Variants in SFRP1 observed in about 807,000 individuals in gnomAD.
SFRP1 encodes secreted frizzled related protein 1.
Under a neutral mutation model 25.9 loss-of-function variants are expected in SFRP1, and 9 were observed. The ratio of observed to expected loss-of-function variants is 0.35; its 90% CI spans 0.21 to 0.61. The LOEUF (loss-of-function observed/expected upper bound fraction) is 0.61. SFRP1 is among the 20% of genes least tolerant of loss of function. The pLI is 0.78. For missense variants in SFRP1, 346 were observed against 418.2 expected (o/e 0.83, Z 1.51); for synonymous variants, 178 against 174.0 (o/e 1.02, Z -0.18).
chr8:41,288,773 A>G (rs918174415), intron 2 of SFRP1, among the ~76,000 whole-genome samples: 4 of 152,176 alleles, frequency 2.6e-5, no homozygotes, highest in Non-Finnish European at 5.9e-5. Flanking sequence ...AACTGCTTCC[A>G]AACTGCTTCC....
intron 2 of SFRP1, among the ~76,000 whole-genome samples, chr8:41,291,865 G>C (rs981903407): frequency 6.6e-6 from 1 of 152,182 alleles, no homozygotes; most frequent in African/African-American, 2.4e-5. Context: ...CTGGAGCACG[G>C]ACAGAGGCAC....
intron 2 of SFRP1, among the ~76,000 whole-genome samples, chr8:41,287,916 G>A (rs546688429): frequency 2.6e-5 from 4 of 152,182 alleles, no homozygotes; most frequent in South Asian, 2.1e-4. Context: ...GGGACTGGCC[G>A]CCACAGGGTG....
intron 2 of SFRP1, among the ~76,000 whole-genome samples, chr8:41,302,259 T>G (rs2117518204): frequency 6.6e-6 from 1 of 152,152 alleles, no homozygotes; most frequent in East Asian, 1.9e-4. Context: ...CCAGTTTAGC[T>G]CTGGTGGCCA....
chr8:41,309,444 G>A lies in SFRP1; in HGVS notation c.-285C>T, dbSNP rs905881738. On this transcript the variant is annotated 5_prime_UTR_variant, in exon 1 of 3. Coordinates refer to ENST00000220772, the MANE Select transcript of SFRP1 (RefSeq NM_003012.5). ...CGCGGGGCGGCGGGCGCGCGGCACT[G>A]ACTCCGGAGGCTGCAGGGCTGGAGT... The A allele has an allele frequency of 1.3e-5, 2 of 156,528 alleles. No individual in the cohort carries two copies. Among genetic ancestry groups the A allele is most frequent in the Non-Finnish European group, 2.8e-5 (2 of 71,394 alleles). 9.7% of individuals were successfully genotyped at this position (156,528 alleles called of 1,614,324 possible).
intron 2 of SFRP1, chr8:41,275,200 G>A (rs1299217744): frequency 2.2e-6 from 1 of 452,132 alleles, no homozygotes. Context: ...CCTGCTCCCT[G>A]CTTCCCTACC....
In SFRP1 at chr8:41,308,635, G is replaced by C; in HGVS notation, c.525C>G (p.Thr175=). 6.2e-7 allele frequency: 1 copy of C among 1,603,448 alleles called. No homozygotes were observed. The highest frequency in any genetic ancestry group is 1.1e-5 in the South Asian group (1 of 90,028). Residue 175 remains threonine (T), a synonymous_variant, in exon 1 of 3, where the codon ACC becomes ACG. Transcript: ENST00000220772. Reference sequence around the variant, plus strand: ...CCTTACCTTGGGGCTTGGAGGCTTCGGTGGCATTGGGCGGCGTCATGGCGA... The same window carrying C: ...CCTTACCTTGGGGCTTGGAGGCTTCCGTGGCATTGGGCGGCGTCATGGCGA... The part of the protein sequence containing the change: ...VCIAMTPPNA[T]EASKPQGTTV...
Position 41,309,301 on chromosome 8 carries a change from T to G in SFRP1, c.-142A>C. The G allele has an allele frequency of 3.0e-6, 3 of 987,996 alleles. No homozygotes were observed. The highest frequency in any genetic ancestry group is 2.6e-6 in the Non-Finnish European group (2 of 784,132). The allele number at this position is 987,996 out of a possible 1,614,324, so 61.2% of individuals were successfully genotyped here. On this transcript the variant is annotated 5_prime_UTR_variant, in exon 1 of 3. Transcript: ENST00000220772. ...GCCCGGCTCCGCGGCCGCAAGCTGC[T>G]GCCCGGTCCCCCCGGCCAGTGGCGG...
At chr8:41,301,023 G>A (rs1354764588) in intron 2 of SFRP1, among the ~76,000 whole-genome samples, 1 of 152,164 alleles carries the variant, frequency 6.6e-6, no homozygotes, top group Non-Finnish European at 1.5e-5. Context: ...ATCTGCCAAG[G>A]GGTTAAAGCA....
chr8:41,272,930 A>G (rs941118225), intron 2 of SFRP1, among the ~76,000 whole-genome samples: 4 of 136,186 alleles, frequency 2.9e-5, no homozygotes, highest in African/African-American at 1.0e-4. Flanking sequence ...TCTTCAAGAG[A>G]AAAGGGTAGA....
At chr8:41,300,546 A>G (rs553818940) in intron 2 of SFRP1, among the ~76,000 whole-genome samples, 2 of 152,354 alleles carry the variant, frequency 1.3e-5, no homozygotes, top group South Asian at 4.1e-4. Context: ...CTGCAGAAGA[A>G]GCTAGAGAAA....
intron 2 of SFRP1, among the ~76,000 whole-genome samples, chr8:41,281,584 C>G (rs1647211260): frequency 6.6e-6 from 1 of 152,238 alleles, no homozygotes; most frequent in South Asian, 2.1e-4. Context: ...TGGCTCCTAT[C>G]TCTTGTGAAT....
intron 2 of SFRP1, among the ~76,000 whole-genome samples, chr8:41,272,583 T>A (rs1313552595): frequency 6.6e-6 from 1 of 152,218 alleles, no homozygotes; most frequent in African/African-American, 2.4e-5. Flanking sequence ...CACTCCAGCC[T>A]AGGTGACAGA....
intron 2 of SFRP1, among the ~76,000 whole-genome samples, chr8:41,297,688 T>C (rs1029072946): frequency 1.5e-4 from 23 of 152,060 alleles, no homozygotes; most frequent in African/African-American, 5.6e-4. Context: ...GTTAAGAGAC[T>C]TTCTGGTGGT....
Position 41,264,925 on chromosome 8 carries a change from C to A in SFRP1, c.*242G>T, listed in dbSNP as rs73621091. On this transcript the variant is annotated 3_prime_UTR_variant, in exon 3 of 3. Coordinates refer to ENST00000220772, the MANE Select transcript of SFRP1 (RefSeq NM_003012.5). Reference sequence around the variant, plus strand: ...GTGCAGTGGCTGCTGCTCCACATTGCGGATCTTAAAAACCTTCCTAATCTA... The same window carrying A: ...GTGCAGTGGCTGCTGCTCCACATTGAGGATCTTAAAAACCTTCCTAATCTA... 5 of 474,772 alleles carry A rather than the reference C, an allele frequency of 1.1e-5. No homozygotes were observed. The highest frequency in any genetic ancestry group is 7.5e-6 in the Non-Finnish European group (2 of 268,436). The allele number at this position is 474,772 out of a possible 1,614,324, so 29.4% of individuals were successfully genotyped here.
intron 2 of SFRP1, among the ~76,000 whole-genome samples, chr8:41,301,051 G>A (rs555133012): frequency 1.6e-4 from 24 of 152,304 alleles, no homozygotes; most frequent in African/African-American, 5.8e-4. Context: ...TGCCGAGAAG[G>A]TCAGGGGTCA....
intron 1 of SFRP1, among the ~76,000 whole-genome samples, chr8:41,306,148 G>A (rs1803992826): frequency 6.7e-6 from 1 of 149,350 alleles, no homozygotes; most frequent in Non-Finnish European, 1.5e-5. Context: ...GAGCTTCTAT[G>A]GCTTGGGTAT....
chr8:41,282,150 G>T (rs4472502), intron 2 of SFRP1, among the ~76,000 whole-genome samples: 2 of 152,092 alleles, frequency 1.3e-5, no homozygotes. Flanking sequence ...TGGTTTGCCT[G>T]CATGGCAAAG....
chr8:41,294,265 G>A (rs996378443), intron 2 of SFRP1, among the ~76,000 whole-genome samples: 7 of 152,118 alleles, frequency 4.6e-5, no homozygotes, highest in African/African-American at 7.2e-5. Context: ...TGGTGCCACC[G>A]ACATATAGTT....
intron 1 of SFRP1, among the ~76,000 whole-genome samples, chr8:41,308,186 G>A (rs1804022017): frequency 6.6e-6 from 1 of 152,218 alleles, no homozygotes; most frequent in Non-Finnish European, 1.5e-5. Context: ...TCTACGCTTT[G>A]GGTTTTTGTT....
Sources: allele counts gnomAD v4.1 joint callset (sites outside exome capture counted in the v4.1 genomes callset), GRCh38; gene constraint gnomAD v4.1.1; transcripts MANE v1.5; gene names NCBI Gene and HGNC (gene_info 2026-07-23, HGNC 2026-07-21).